The following PLEKHA3 variants were observed in gnomAD, a reference collection of about 807,000 sequenced individuals.
PLEKHA3 encodes pleckstrin homology domain-containing family A member 3.
PLEKHA3 carries 19 observed loss-of-function variants against 39.2 expected under a neutral mutation model. That is an observed-to-expected ratio of 0.48 (90% CI 0.34 to 0.71). The LOEUF (loss-of-function observed/expected upper bound fraction) is 0.71. Ranked by LOEUF, PLEKHA3 falls within the 30% of genes least tolerant of loss-of-function variation. The pLI is 0.01. For synonymous variants in PLEKHA3, 97 were observed against 118.6 expected (o/e 0.82, Z 1.18); for missense variants, 253 against 359.5 (o/e 0.70, Z 2.40).
rs1685604974 is a variant in PLEKHA3, at chr2:178,506,739, C to A, written c.*2852C>A. ...GGCACCTCTAGGTCTGTACTTTGAG[C>A]CTTGATCTGGGTACTTGGTACAGAG... is the stretch of plus-strand genomic sequence containing the variant. On this transcript the variant is annotated 3_prime_UTR_variant, in exon 8 of 8. Coordinates refer to ENST00000234453, the MANE Select transcript of PLEKHA3 (RefSeq NM_019091.4). 6.6e-6 allele frequency: 1 copy of A among 152,102 alleles called. No individual in the cohort carries two copies. Among genetic ancestry groups the A allele is most frequent in the Non-Finnish European group, 1.5e-5 (1 of 68,024 alleles). 9.4% of individuals were successfully genotyped at this position (152,102 alleles called of 1,614,324 possible).
rs1445055879 is a variant in PLEKHA3, at chr2:178,497,062, A to C, written c.615+1402A>C. On this transcript the variant is annotated intron_variant, in intron 5 of 7. Transcript: ENST00000234453. The stretch of plus-strand genomic sequence containing the variant: ...CAGCCTCCCAAAGTGTTGGGATTAC[A>C]GGCATAAGCCACCATGCCCAGCCGT... 1.3e-5 allele frequency among the ~76,000 whole-genome samples: 2 copies of C among 152,048 alleles called. 1 individual carries two copies. The highest frequency in any genetic ancestry group is 3.8e-4 in the East Asian group (2 of 5,198).
Position 178,514,443 on chromosome 2 carries a change from G to C in PLEKHA3, c.*10556G>C, listed in dbSNP as rs775992475. 2 of 151,568 alleles carry C rather than the reference G, an allele frequency of 1.3e-5. No individual in the cohort carries two copies. The highest frequency in any genetic ancestry group is 2.9e-5 in the Non-Finnish European group (2 of 67,842). The allele number at this position is 151,568 out of a possible 1,614,324, so 9.4% of individuals were successfully genotyped here. ...ATCTTTACTCACAATAAGCAAAGTT[G>C]AACAACTTAAAATTGATTCCCTGTT... On this transcript the variant is annotated 3_prime_UTR_variant, in exon 8 of 8. Transcript: ENST00000234453.
Position 178,504,597 on chromosome 2 carries a change from ATACGTTGTTCTT to A in PLEKHA3, c.*722_*733del, listed in dbSNP as rs1685577431. The A allele has an allele frequency of 6.6e-6, 1 of 152,318 alleles. No individual in the cohort carries two copies. The highest frequency in any genetic ancestry group is 2.1e-4 in the South Asian group (1 of 4,834). 9.4% of individuals were successfully genotyped at this position (152,318 alleles called of 1,614,324 possible). ...GTGACCTACCAAATTTAAGATGTGT[ATACGTTGTTCTT>A]TACGTTGTTCTAGAAAAGAGATTTT... On this transcript the variant is annotated 3_prime_UTR_variant, in exon 8 of 8. Transcript: ENST00000234453.
chr2:178,487,383 C>T (rs374866997), intron 2 of PLEKHA3, among the ~76,000 whole-genome samples: 1 of 152,106 alleles, frequency 6.6e-6, no homozygotes, highest in Admixed American at 6.5e-5. Context: ...ATGAGCCTGA[C>T]TAAAATTTGG....
Position 178,509,242 on chromosome 2 carries a change from T to TGATTTAATTAGATTTAATTAGATTA in PLEKHA3, c.*5355_*5356insGATTTAATTAGATTTAATTAGATTA, listed in dbSNP as rs1685646829. On this transcript the variant is annotated 3_prime_UTR_variant, in exon 8 of 8. Transcript: ENST00000234453. ...GTTGGTTTGTATGTTTCACTGAAAG[T>TGATTTAATTAGATTTAATTAGATTA]CTAGATTTAAATTCTAATAGTGTAT... 6.6e-6 allele frequency: 1 copy of TGATTTAATTAGATTTAATTAGATTA among 152,176 alleles called. No individual in the cohort carries two copies. Among genetic ancestry groups the TGATTTAATTAGATTTAATTAGATTA allele is most frequent in the South Asian group, 2.1e-4 (1 of 4,830 alleles). The allele number at this position is 152,176 out of a possible 1,614,324, so 9.4% of individuals were successfully genotyped here.
In PLEKHA3 at chr2:178,495,552, G is replaced by A. The variant is rs1559384669; in HGVS notation, c.507G>A (p.Thr169=). The A allele has an allele frequency of 2.5e-6, 4 of 1,614,016 alleles. No homozygotes were observed. Among genetic ancestry groups the A allele is most frequent in the Admixed American group, 3.3e-5 (2 of 60,004 alleles). ...CCACGTGTAACACATTCATCACAAC[G>A]CTTGAGGAATGTGTGAAGATAGCCA... ...LSATCNTFIT[T]LEECVKIANA... Residue 169 remains threonine, a synonymous_variant, in exon 5 of 8, where the codon ACG becomes ACA. Coordinates refer to ENST00000234453, the MANE Select transcript of PLEKHA3 (RefSeq NM_019091.4).
At position 178,512,095 on chromosome 2, in the gene PLEKHA3, T is replaced by G. The variant is rs184507098; in HGVS notation, c.*8208T>G. 33 of 152,322 alleles carry G rather than the reference T, an allele frequency of 2.2e-4. No individual in the cohort carries two copies. In the East Asian group the frequency reaches 6.2e-3, roughly 28 times the overall value. The allele number at this position is 152,322 out of a possible 1,614,324, so 9.4% of individuals were successfully genotyped here. A position where few individuals can be genotyped will look rare whatever the true frequency, so the allele number is the denominator to read the frequency against. Reference sequence around the variant, plus strand: ...ACCAGGATTAACTCATGAGACTGATTAGAATGATGAATATCTTATTGTATC... The same window carrying G: ...ACCAGGATTAACTCATGAGACTGATGAGAATGATGAATATCTTATTGTATC... On this transcript the variant is annotated 3_prime_UTR_variant, in exon 8 of 8. Transcript: ENST00000234453.
At chr2:178,492,613 A>T (rs1222312435) in intron 3 of PLEKHA3, among the ~76,000 whole-genome samples, 1 of 147,870 alleles carries the variant, frequency 6.8e-6, no homozygotes, top group African/African-American at 2.6e-5. Context: ...CCTAAAACTT[A>T]AAGTATAATA....
chr2:178,489,804 T>A (rs1410888359), intron 2 of PLEKHA3, among the ~76,000 whole-genome samples: 8 of 152,210 alleles, frequency 5.3e-5, no homozygotes, highest in African/African-American at 1.4e-4. Flanking sequence ...GAAGCCTTTT[T>A]AAATTACTTT....
At chr2:178,503,420 A>G (rs1575147503) in intron 7 of PLEKHA3, among the ~76,000 whole-genome samples, 1 of 152,006 alleles carries the variant, frequency 6.6e-6, no homozygotes, top group Non-Finnish European at 1.5e-5. Context: ...AAATAGGCTG[A>G]AAAAGCAATA....
At chr2:178,488,327 T>C (rs1685286142) in intron 2 of PLEKHA3, among the ~76,000 whole-genome samples, 1 of 152,262 alleles carries the variant, frequency 6.6e-6, no homozygotes, top group Non-Finnish European at 1.5e-5. Context: ...AAGTTCTTCA[T>C]TTCAGTGAAA....
Position 178,480,999 on chromosome 2 carries a change from C to A in PLEKHA3, c.40+90C>A, listed in dbSNP as rs149070950. The A allele has an allele frequency of 5.9e-6, 7 of 1,183,532 alleles. No homozygotes were observed. In the Admixed American group the frequency reaches 1.9e-4, roughly 32 times the overall value. The allele number at this position is 1,183,532 out of a possible 1,614,324, so 73.3% of individuals were successfully genotyped here. ...GGCTCCTCTTCCTCCGTCTGGCCTC[C>A]GCGGACCCTCAGAGCGAATTCGCTC... is the stretch of plus-strand genomic sequence containing the variant. On this transcript the variant is annotated intron_variant, in intron 1 of 7. Coordinates refer to ENST00000234453, the MANE Select transcript of PLEKHA3 (RefSeq NM_019091.4).
rs1049914340 is a variant in PLEKHA3 at position 178,509,213 on chromosome 2, T to C, written c.*5326T>C. 2.6e-5 allele frequency: 4 copies of C among 152,218 alleles called. No homozygotes were observed. Among genetic ancestry groups the C allele is most frequent in the African/African-American group, 7.2e-5 (3 of 41,462 alleles). The allele number at this position is 152,218 out of a possible 1,614,324, so 9.4% of individuals were successfully genotyped here. On this transcript the variant is annotated 3_prime_UTR_variant, in exon 8 of 8. Transcript: ENST00000234453. ...TTTGGAGGTAGAGGAAATAAATTCA[T>C]GTGGTTGGTTTGTATGTTTCACTGA...
chr2:178,501,746 A>G (rs542761512), intron 7 of PLEKHA3, among the ~76,000 whole-genome samples: 1 of 152,076 alleles, frequency 6.6e-6, no homozygotes, highest in Admixed American at 6.6e-5. Flanking sequence ...GAAGCTTTGA[A>G]AGTGTGTCAG....
intron 3 of PLEKHA3, among the ~76,000 whole-genome samples, chr2:178,491,569 G>A (rs13407421): frequency 0.011 from 1,662 of 152,240 alleles, 25 homozygotes; most frequent in African/African-American, 0.037. Flanking sequence ...TACCATGTAC[G>A]CATATTGCCA....
chr2:178,496,071 A>C (rs1224212116), intron 5 of PLEKHA3, among the ~76,000 whole-genome samples: 1 of 152,236 alleles, frequency 6.6e-6, no homozygotes, highest in Non-Finnish European at 1.5e-5. Flanking sequence ...GGAATTTGAA[A>C]CATATTCCGG....
chr2:178,486,708 G>C (rs1469085424), intron 2 of PLEKHA3, among the ~76,000 whole-genome samples: 1 of 152,178 alleles, frequency 6.6e-6, no homozygotes, highest in Non-Finnish European at 1.5e-5. Flanking sequence ...CAGTAGTTCA[G>C]TCATTCTCAT....
chr2:178,481,055 T>C lies in PLEKHA3; in HGVS notation c.40+146T>C, dbSNP rs143083024. ...GATTCCAGGGCTTGTTGAGTCCTTC[T>C]GGCCTCTTCAGGGGAGGGTTTGAGG... On this transcript the variant is annotated intron_variant, in intron 1 of 7. Coordinates refer to ENST00000234453, the MANE Select transcript of PLEKHA3 (RefSeq NM_019091.4). 1,133 of 700,420 alleles carry C rather than the reference T, an allele frequency of 1.6e-3. 14 individuals are homozygous for C. The African/African-American group carries it at 0.018, about 11-fold the overall frequency. 43.4% of individuals were successfully genotyped at this position (700,420 alleles called of 1,614,324 possible). A position where few individuals can be genotyped will look rare whatever the true frequency, so the allele number is the denominator to read the frequency against.
chr2:178,494,127 T>C (rs906826408), intron 4 of PLEKHA3, 138 bp downstream of exon 4: 13 of 869,554 alleles, frequency 1.5e-5, no homozygotes. Context: ...CTGTATACTA[T>C]CTGGAAATCT....
Sources: allele counts gnomAD v4.1 joint callset (sites outside exome capture counted in the v4.1 genomes callset), GRCh38; gene constraint gnomAD v4.1.1; transcripts MANE v1.5; gene names NCBI Gene and HGNC (gene_info 2026-07-23, HGNC 2026-07-21).